The following TP63 variants were observed in gnomAD, a reference collection of about 807,000 sequenced individuals.
TP63 encodes tumor protein p63, also known as tumor protein 63.
TP63 carries 17 observed loss-of-function variants against 82.8 expected under a neutral mutation model. The ratio of observed to expected loss-of-function variants is 0.21; its 90% CI spans 0.14 to 0.31. The LOEUF (loss-of-function observed/expected upper bound fraction) is 0.31. TP63 is among the 10% of genes least tolerant of loss of function. The pLI is 1.00. For missense variants in TP63, 648 were observed against 895.3 expected, an observed-to-expected ratio of 0.72 and a Z score of 3.52; for synonymous variants, 330 against 321.7, an observed-to-expected ratio of 1.03 and a Z score of -0.28.
chr3:189,894,504 C>G lies in TP63; in HGVS notation c.*2C>G, dbSNP rs1157029254. 11 of 1,612,632 alleles carry G rather than the reference C, an allele frequency of 6.8e-6. No individual in the cohort carries two copies. Among genetic ancestry groups the G allele is most frequent in the Non-Finnish European group, 8.5e-6 (10 of 1,179,986 alleles). On this transcript the variant is annotated 3_prime_UTR_variant, in exon 14 of 14. Coordinates refer to ENST00000264731, the MANE Select transcript of TP63 (RefSeq NM_003722.5). ...CGCATCAAAGAGGAGGGGGAGTGAG[C>G]CTCACCATGTGAGCTCTTCCTATCC...
intron 9 of TP63, 131 bp downstream of exon 9, chr3:189,869,537 A>G (rs1444538222): frequency 3.8e-6 from 3 of 787,118 alleles, no homozygotes; most frequent in African/African-American, 1.7e-5. Flanking sequence ...AGCTGCTACA[A>G]CAAACTACCG....
In TP63 at chr3:189,778,916, A is replaced by G. The variant is rs1724022095; in HGVS notation, c.325-29356A>G. Among the ~76,000 whole-genome samples, 13 of 152,258 alleles carry G rather than the reference A, an allele frequency of 8.5e-5. No individual in the cohort carries two copies. In the South Asian group the frequency reaches 2.7e-3, roughly 31 times the overall value. ...TATAATATTACCATTTCATTCACTT[A>G]GCAACCAAGTTACAAATAATTCCTT... On this transcript the variant is annotated intron_variant, in intron 3 of 13. Coordinates refer to ENST00000264731, the MANE Select transcript of TP63 (RefSeq NM_003722.5).
At chr3:189,844,327 A>G (rs1217237077) in intron 4 of TP63, 4 of 402,698 alleles carry the variant, frequency 9.9e-6, no homozygotes, top group Admixed American at 7.8e-5. Flanking sequence ...ACGCGCCACC[A>G]CGCCCAGCTA....
At chr3:189,691,978 TTTC>T (rs1716970402) in intron 1 of TP63, among the ~76,000 whole-genome samples, 1 of 152,208 alleles carries the variant, frequency 6.6e-6, no homozygotes, top group African/African-American at 2.4e-5. Flanking sequence ...GAAATACAGA[TTTC>T]TTCATCATTT....
At chr3:189,672,643 A>G (rs1714998853) in intron 1 of TP63, among the ~76,000 whole-genome samples, 1 of 126,954 alleles carries the variant, frequency 7.9e-6, no homozygotes, top group Admixed American at 8.2e-5. Flanking sequence ...GAAGGGAGGG[A>G]GGGAGGGAGG....
chr3:189,627,228 A>G (rs967099019), upstream of TP63, among the ~76,000 whole-genome samples: 1 of 152,178 alleles, frequency 6.6e-6, no homozygotes, highest in Non-Finnish European at 1.5e-5. Context: ...AAGTTCTGGG[A>G]TATGTGATGA....
At chr3:189,763,314 A>G (rs149758514) in intron 3 of TP63, among the ~76,000 whole-genome samples, 1 of 152,264 alleles carries the variant, frequency 6.6e-6, no homozygotes, top group Non-Finnish European at 1.5e-5. Flanking sequence ...GCTGGGCTAT[A>G]TTACTTTAGA....
intron 3 of TP63, 73 bp downstream of exon 3, chr3:189,738,847 T>G (rs1334389474): frequency 6.3e-7 from 1 of 1,583,366 alleles, no homozygotes; most frequent in Non-Finnish European, 8.6e-7. Flanking sequence ...GTCTTTTCAG[T>G]CATGTGTGAA....
chr3:189,867,351 T>C (rs1006604598), intron 6 of TP63, among the ~76,000 whole-genome samples: 3 of 152,212 alleles, frequency 2.0e-5, no homozygotes, highest in African/African-American at 7.2e-5. Context: ...CCCGTACGTA[T>C]GTACTTTGGA....
chr3:189,643,186 A>G (rs183953607), intron 1 of TP63, among the ~76,000 whole-genome samples: 7 of 152,122 alleles, frequency 4.6e-5, no homozygotes, highest in Admixed American at 4.6e-4. Context: ...TTTTTAGTAG[A>G]GATGGGGTTT....
intron 1 of TP63, among the ~76,000 whole-genome samples, chr3:189,673,161 A>G (rs1281027022): frequency 6.6e-6 from 1 of 152,090 alleles, no homozygotes; most frequent in Non-Finnish European, 1.5e-5. Context: ...ATAAATAACA[A>G]TCATCTGAAT....
chr3:189,860,881 A>G (rs1660169088), intron 4 of TP63, among the ~76,000 whole-genome samples: 1 of 152,186 alleles, frequency 6.6e-6, no homozygotes, highest in African/African-American at 2.4e-5. Flanking sequence ...CAGTAGGTAC[A>G]TGTTCAGTAT....
At position 189,894,997 on chromosome 3, in the gene TP63, A is replaced by G. The variant is rs1334495819; in HGVS notation, c.*495A>G. 9.1e-6 allele frequency: 2 copies of G among 220,468 alleles called. No homozygotes were observed. Among genetic ancestry groups the G allele is most frequent in the African/African-American group, 4.5e-5 (2 of 44,382 alleles). The allele number at this position is 220,468 out of a possible 1,614,324, so 13.7% of individuals were successfully genotyped here. On this transcript the variant is annotated 3_prime_UTR_variant, in exon 14 of 14. Transcript: ENST00000264731. ...TATACTCCTTCCCTTAAGGGGTATC[A>G]TGTATGGTGATAGGTATCTAGAGCT...
At position 189,894,657 on chromosome 3, in the gene TP63, A is replaced by G; in HGVS notation, c.*155A>G. 9.4e-6 allele frequency: 8 copies of G among 855,440 alleles called. No homozygotes were observed. The highest frequency in any genetic ancestry group is 1.7e-5 in the South Asian group (1 of 59,870). The allele number at this position is 855,440 out of a possible 1,614,324, so 53.0% of individuals were successfully genotyped here. A position where few individuals can be genotyped will look rare whatever the true frequency, so the allele number is the denominator to read the frequency against. On this transcript the variant is annotated 3_prime_UTR_variant, in exon 14 of 14. Transcript: ENST00000264731. ...AGTAAGAGGCTACCTCTTACCTAAC[A>G]TCTGACCTGGCATCTAATTCTGATT...
At position 189,875,613 on chromosome 3, in the gene TP63, T is replaced by C. The variant is rs112684805; in HGVS notation, c.1349+2618T>C. Among the ~76,000 whole-genome samples the C allele has an allele frequency of 8.5e-5, 9 of 105,490 alleles. 2 individuals carry two copies. Among genetic ancestry groups the C allele is most frequent in the South Asian group, 3.1e-4 (1 of 3,266 alleles). 69.2% of individuals were successfully genotyped at this position (105,490 alleles called of 152,430 possible). On this transcript the variant is annotated intron_variant, in intron 10 of 13. Transcript: ENST00000264731. Reference sequence around the variant, plus strand: ...ACATACATATATATATATATATATATATATATATATATATATATATATATA... The same window carrying C: ...ACATACATATATATATATATATATACATATATATATATATATATATATATA...
At chr3:189,791,364 A>G (rs908858567) in intron 3 of TP63, among the ~76,000 whole-genome samples, 1 of 152,140 alleles carries the variant, frequency 6.6e-6, no homozygotes, top group Admixed American at 6.6e-5. Context: ...ATTTTAGGTT[A>G]AATATAATGT....
Position 189,868,841 on chromosome 3 carries a change from C to G in TP63, c.1129+125C>G, listed in dbSNP as rs16864880. 230,718 of 1,482,662 alleles carry G rather than the reference C, an allele frequency of 0.16. 19,150 individuals carry two copies. Among genetic ancestry groups the G allele is most frequent in the South Asian group, 0.22 (19,194 of 87,548 alleles). 91.8% of individuals were successfully genotyped at this position (1,482,662 alleles called of 1,614,324 possible). A position where few individuals can be genotyped will look rare whatever the true frequency, so the allele number is the denominator to read the frequency against. ...TTCAGCAGCAAGTGGGACGTCAGCC[C>G]TCAGAGCCAGTGAGAATAGGTATAG... is the stretch of plus-strand genomic sequence containing the variant. On this transcript the variant is annotated intron_variant, in intron 8 of 13. Coordinates refer to ENST00000264731, the MANE Select transcript of TP63 (RefSeq NM_003722.5).
intron 1 of TP63, among the ~76,000 whole-genome samples, chr3:189,729,878 T>C (rs1483462173): frequency 6.6e-6 from 1 of 152,138 alleles, no homozygotes; most frequent in Non-Finnish European, 1.5e-5. Flanking sequence ...GGCAATACAC[T>C]AAAAGGCATC....
At chr3:189,629,073 C>G (rs542483613), upstream of TP63, among the ~76,000 whole-genome samples, 72 of 152,136 alleles carry the variant, frequency 4.7e-4, no homozygotes, top group Middle Eastern at 3.4e-3. Flanking sequence ...AGGCTATAAA[C>G]CTTTTAAATT....
Sources: gnomAD v4.1 joint callset for allele counts (sites outside exome capture counted in the v4.1 genomes callset) on GRCh38, gnomAD v4.1.1 for gene constraint, MANE v1.5 for transcripts, NCBI Gene and HGNC (gene_info 2026-07-23, HGNC 2026-07-21) for gene names.